The following IQGAP2 variants were observed in gnomAD, a reference collection of about 807,000 sequenced individuals.
IQGAP2 encodes ras GTPase-activating-like protein IQGAP2.
IQGAP2 carries 173 observed loss-of-function variants against 201.3 expected under a neutral mutation model. That is an observed-to-expected ratio of 0.86 (90% CI 0.76 to 0.98). IQGAP2 has a LOEUF of 0.98. Ranked by LOEUF, IQGAP2 falls within the 50% of genes least tolerant of loss-of-function variation. IQGAP2 has a pLI of 0.00. For missense variants in IQGAP2, 1,687 were observed against 1,864.8 expected, an observed-to-expected ratio of 0.90 and a Z score of 1.76; for synonymous variants, 675 against 673.9, an observed-to-expected ratio of 1.00 and a Z score of -0.03.
chr5:76,608,852 T>C, intron 12 of IQGAP2: 1 of 364,524 alleles, frequency 2.7e-6, no homozygotes, highest in Non-Finnish European at 5.2e-6. Flanking sequence ...CAATTCTGTG[T>C]AGGTTACCTC....
intron 2 of IQGAP2, among the ~76,000 whole-genome samples, chr5:76,553,061 T>C (rs571791301): frequency 1.3e-5 from 2 of 152,202 alleles, no homozygotes; most frequent in South Asian, 4.1e-4. Context: ...ATGCCCACTT[T>C]AGTTTTGCAG....
At chr5:76,602,061 C>G (rs1747463685) in intron 11 of IQGAP2, among the ~76,000 whole-genome samples, 3 of 152,176 alleles carry the variant, frequency 2.0e-5, no homozygotes, top group African/African-American at 7.2e-5. Flanking sequence ...CTGCCCTCAG[C>G]CGGGCACCCT....
chr5:76,483,203 G>A (rs1178411511), intron 2 of IQGAP2, among the ~76,000 whole-genome samples: 1 of 152,148 alleles, frequency 6.6e-6, no homozygotes, highest in Non-Finnish European at 1.5e-5. Flanking sequence ...ATAAATAGAG[G>A]TGGAGTAGGT....
intron 27 of IQGAP2, among the ~76,000 whole-genome samples, chr5:76,675,708 C>G (rs758777546): frequency 2.6e-5 from 4 of 152,164 alleles, no homozygotes; most frequent in Non-Finnish European, 5.9e-5. Flanking sequence ...TCTCATTCCT[C>G]GGTCTCCCTT....
In IQGAP2 at chr5:76,698,877, T is replaced by C. The variant is rs73127570; in HGVS notation, c.4367+730T>C. ...TTTAAATTTTATTGCAAATTGACTA[T>C]AATTTTATGTATTCCTGGGGTACAA... On this transcript the variant is annotated intron_variant, in intron 33 of 35. Coordinates refer to ENST00000274364, the MANE Select transcript of IQGAP2 (RefSeq NM_006633.5). Among the ~76,000 whole-genome samples the C allele has an allele frequency of 4.3e-3, 659 of 152,308 alleles. 5 individuals are homozygous for C. The highest frequency in any genetic ancestry group is 0.014 in the African/African-American group (588 of 41,554).
intron 2 of IQGAP2, among the ~76,000 whole-genome samples, chr5:76,550,981 G>C (rs1743438805): frequency 6.7e-6 from 1 of 150,330 alleles, no homozygotes; most frequent in Non-Finnish European, 1.5e-5. Flanking sequence ...GGCCGGGCGG[G>C]GGCTGCCCCC....
chr5:76,585,317 A>G (rs919081367), intron 5 of IQGAP2, among the ~76,000 whole-genome samples: 1 of 152,190 alleles, frequency 6.6e-6, no homozygotes. Flanking sequence ...AAGACATTTT[A>G]TGGATGTCTG....
intron 13 of IQGAP2, among the ~76,000 whole-genome samples, chr5:76,611,731 C>G (rs1026763248): frequency 6.6e-6 from 1 of 152,168 alleles, no homozygotes; most frequent in Non-Finnish European, 1.5e-5. Context: ...GGAGGTAGAG[C>G]AGAAGCTGTC....
chr5:76,658,904 G>A (rs966964013), intron 21 of IQGAP2, among the ~76,000 whole-genome samples: 1 of 152,148 alleles, frequency 6.6e-6, no homozygotes, highest in East Asian at 1.9e-4. Flanking sequence ...GCTTGTGACT[G>A]TACTGAATAC....
chr5:76,590,617 A>ACTCATAAGCACATTCATTAC, intron 8 of IQGAP2, 31 bp downstream of exon 8: 2 of 1,538,490 alleles, frequency 1.3e-6, no homozygotes, highest in Non-Finnish European at 1.8e-6. Flanking sequence ...AAAAACAGTA[A>ACTCATAAGCACATTCATTAC]TGAATGTGCT....
intron 11 of IQGAP2, 101 bp from the exon 12 acceptor site, chr5:76,606,078 C>A: frequency 9.4e-7 from 1 of 1,058,970 alleles, no homozygotes; most frequent in South Asian, 2.0e-5. Flanking sequence ...CTTTGTCTAA[C>A]TTCATAACAA....
chr5:76,576,008 T>C (rs1472212972), intron 5 of IQGAP2, among the ~76,000 whole-genome samples: 2 of 152,186 alleles, frequency 1.3e-5, no homozygotes, highest in Admixed American at 6.5e-5. Flanking sequence ...CAGAAAATGA[T>C]TGAAAACCAT....
intron 16 of IQGAP2, among the ~76,000 whole-genome samples, chr5:76,637,619 A>T (rs1751251465): frequency 6.6e-6 from 1 of 152,240 alleles, no homozygotes; most frequent in African/African-American, 2.4e-5. Flanking sequence ...TCTGCCACAC[A>T]TGGCCCCAGC....
chr5:76,450,664 G>T (rs1753684706), intron 1 of IQGAP2, among the ~76,000 whole-genome samples: 3 of 152,106 alleles, frequency 2.0e-5, no homozygotes, highest in African/African-American at 7.2e-5. Flanking sequence ...CTTGCTGCTT[G>T]CTGTTGGCAC....
intron 16 of IQGAP2, among the ~76,000 whole-genome samples, chr5:76,638,450 A>G (rs1751316168): frequency 6.6e-6 from 1 of 152,158 alleles, no homozygotes; most frequent in Admixed American, 6.5e-5. Context: ...CGTTATAAAC[A>G]AGACTGGCTG....
chr5:76,611,308 A>G (rs566751652), intron 13 of IQGAP2, 125 bp downstream of exon 13: 3 of 654,380 alleles, frequency 4.6e-6, no homozygotes, highest in South Asian at 4.9e-5. Context: ...TTACCCATGA[A>G]TCAGAATGGA....
chr5:76,624,409 A>G (rs937780025), intron 13 of IQGAP2: 1 of 152,358 alleles, frequency 6.6e-6, no homozygotes, highest in South Asian at 2.1e-4. Flanking sequence ...AAGGCTAGGG[A>G]TATGCTAGGA....
intron 1 of IQGAP2, among the ~76,000 whole-genome samples, chr5:76,404,832 C>G (rs188909407): frequency 2.0e-3 from 309 of 151,086 alleles, no homozygotes; most frequent in African/African-American, 6.6e-3. Flanking sequence ...AGCAGAGCCT[C>G]TTGGGTTCAA....
rs776721097 is a variant in IQGAP2, at chr5:76,575,693, A to G, written c.382A>G (p.Ile128Val). The G allele has an allele frequency of 1.3e-6, 2 of 1,552,894 alleles. No individual in the cohort carries two copies. Among genetic ancestry groups the G allele is most frequent in the Non-Finnish European group, 1.8e-6 (2 of 1,140,492 alleles). Reference sequence around the variant, plus strand: ...AAATATTGTTTCTTTTGTTTTCCAGATATTTTATCCAGAAACAACAGATGT... The same window carrying G: ...AAATATTGTTTCTTTTGTTTTCCAGGTATTTTATCCAGAAACAACAGATGT... ...RAMESIGLPK[I>V]FYPETTDVYD... The change falls in exon 5 of 36, where the codon ATA becomes GTA. Residue 128 changes from isoleucine to valine, a missense_variant and splice_region_variant. By Grantham distance (29) the Ile-to-Val change is conservative. Coordinates refer to ENST00000274364, the MANE Select transcript of IQGAP2 (RefSeq NM_006633.5).
Sources: gnomAD v4.1 joint callset for allele counts (sites outside exome capture counted in the v4.1 genomes callset) on GRCh38, gnomAD v4.1.1 for gene constraint, MANE v1.5 for transcripts, NCBI Gene and HGNC (gene_info 2026-07-23, HGNC 2026-07-21) for gene names.